BTBD16: variants seen among roughly 807,000 people sequenced by gnomAD.
BTBD16 encodes the protein BTB/POZ domain-containing protein 16.
Under a neutral mutation model 67.4 loss-of-function variants are expected in BTBD16, and 66 were observed. The ratio of observed to expected loss-of-function variants is 0.98; its 90% CI spans 0.80 to 1.20. The LOEUF (loss-of-function observed/expected upper bound fraction) is 1.20, where lower values mean the gene tolerates loss of function less well. BTBD16 is among the 50% of genes most tolerant of loss of function. BTBD16 has a pLI of 0.00. For missense variants in BTBD16, 634 were observed against 616.0 expected, an observed-to-expected ratio of 1.03 and a Z score of -0.31; for synonymous variants, 242 against 236.4, an observed-to-expected ratio of 1.02 and a Z score of -0.22.
At chr10:122,290,756 A>G (rs1376040587) in intron 6 of BTBD16, among the ~76,000 whole-genome samples, 1 of 151,902 alleles carries the variant, frequency 6.6e-6, no homozygotes, top group Non-Finnish European at 1.5e-5. Flanking sequence ...AAAATTCTAC[A>G]CCTATATGGG....
chr10:122,299,706 A>C (rs1008563952), intron 9 of BTBD16, among the ~76,000 whole-genome samples: 8 of 150,818 alleles, frequency 5.3e-5, no homozygotes, highest in Admixed American at 3.3e-4. Context: ...CCATACCCCA[A>C]CCCTGAGGTC....
chr10:122,307,211 C>A lies in BTBD16; in HGVS notation c.814C>A (p.His272Asn). 6.2e-7 allele frequency: 1 copy of A among 1,603,170 alleles called. No individual in the cohort carries two copies. Among genetic ancestry groups the A allele is most frequent in the Non-Finnish European group, 8.5e-7 (1 of 1,176,418 alleles). ...CAGGTTATTTACCTTTAGTGAATTC[C>A]ATCTTCTGAAAACAATGCTTTTGTG... ...SPRLFTFSEF[H>N]LLKTMLLWVF... Residue 272 changes from histidine to asparagine, a missense_variant, in exon 10 of 16, where the codon CAT (histidine) becomes AAT (asparagine). By Grantham distance (68) the His-to-Asn change is moderately conservative (BLOSUM62 1). Coordinates refer to ENST00000260723, the MANE Select transcript of BTBD16 (RefSeq NM_144587.5).
chr10:122,274,371 C>A (rs1354385090), intron 1 of BTBD16, among the ~76,000 whole-genome samples: 1 of 152,198 alleles, frequency 6.6e-6, no homozygotes, highest in Non-Finnish European at 1.5e-5. Context: ...CAACAGCCAC[C>A]AACTCCTGGT....
intron 7 of BTBD16, among the ~76,000 whole-genome samples, chr10:122,293,629 G>A (rs968833351): frequency 6.6e-6 from 1 of 152,200 alleles, no homozygotes; most frequent in Admixed American, 6.5e-5. Context: ...AAGGTCGTGG[G>A]GTGAAAAGTC....
At chr10:122,313,794 C>T (rs562349813) in intron 10 of BTBD16, among the ~76,000 whole-genome samples, 127 of 152,330 alleles carry the variant, frequency 8.3e-4, no homozygotes, top group Admixed American at 1.8e-3. Context: ...GCTCACTGCT[C>T]TGCAGTGTCT....
intron 10 of BTBD16, among the ~76,000 whole-genome samples, chr10:122,318,973 A>G (rs1186380667): frequency 6.6e-6 from 1 of 152,160 alleles, no homozygotes; most frequent in African/African-American, 2.4e-5. Flanking sequence ...TCATTTCCCC[A>G]GTGACTAAGG....
At chr10:122,286,296 T>C in intron 5 of BTBD16, 48 bp downstream of exon 5, 1 of 1,555,584 alleles carries the variant, frequency 6.4e-7, no homozygotes, top group Non-Finnish European at 8.7e-7. Context: ...GCCCTCTAGC[T>C]TGACGGTCCC....
intron 13 of BTBD16, 90 bp downstream of exon 13, chr10:122,332,603 C>A: frequency 2.2e-6 from 3 of 1,363,098 alleles, no homozygotes; most frequent in Non-Finnish European, 3.1e-6. Flanking sequence ...TCACTTCTGG[C>A]TCCTGGTAGG....
intron 5 of BTBD16, among the ~76,000 whole-genome samples, chr10:122,288,754 A>G (rs770536913): frequency 5.3e-5 from 8 of 152,056 alleles, no homozygotes; most frequent in Non-Finnish European, 1.2e-4. Flanking sequence ...ATTTGGGGTC[A>G]GGAAAGCCCT....
At chr10:122,327,935 C>T (rs1004931433) in intron 10 of BTBD16, among the ~76,000 whole-genome samples, 9 of 152,204 alleles carry the variant, frequency 5.9e-5, no homozygotes, top group Admixed American at 5.2e-4. Context: ...TGTATTTCAG[C>T]CACAGCTCCA....
intron 10 of BTBD16, among the ~76,000 whole-genome samples, chr10:122,321,126 T>C (rs2096434697): frequency 6.6e-6 from 1 of 152,212 alleles, no homozygotes; most frequent in African/African-American, 2.4e-5. Context: ...GTTTCTGCAT[T>C]AATTCACTTA....
chr10:122,335,002 T>TC, intron 14 of BTBD16, 23 bp downstream of exon 14: 1 of 1,164,030 alleles, frequency 8.6e-7, no homozygotes, highest in Non-Finnish European at 1.3e-6. Context: ...TGCATGAAAG[T>TC]TATGTCTCTG....
intron 7 of BTBD16, among the ~76,000 whole-genome samples, chr10:122,296,518 G>A (rs187006425): frequency 5.3e-5 from 8 of 152,242 alleles, no homozygotes; most frequent in Non-Finnish European, 2.9e-5. Flanking sequence ...TTGTGCTTCC[G>A]TATGAGATCC....
chr10:122,279,511 A>AACACACAC (rs143637448), intron 3 of BTBD16, among the ~76,000 whole-genome samples: 23,350 of 143,784 alleles, frequency 0.16, 2,057 homozygotes, highest in Non-Finnish European at 0.2. Flanking sequence ...GAGAAAGAGA[A>AACACACAC]ACACACACAC....
At chr10:122,281,000 T>A (rs1409852130) in intron 3 of BTBD16, among the ~76,000 whole-genome samples, 1 of 151,942 alleles carries the variant, frequency 6.6e-6, no homozygotes, top group Non-Finnish European at 1.5e-5. Context: ...AGAGATGGGG[T>A]CTCTCTATGT....
intron 10 of BTBD16, among the ~76,000 whole-genome samples, chr10:122,316,182 G>A (rs1024079941): frequency 2.2e-4 from 33 of 152,096 alleles, no homozygotes; most frequent in Non-Finnish European, 4.0e-4. Context: ...CAAGAGAATC[G>A]CTTGAACCTG....
At chr10:122,314,337 CA>C (rs1272847682) in intron 10 of BTBD16, among the ~76,000 whole-genome samples, 3 of 151,636 alleles carry the variant, frequency 2.0e-5, no homozygotes, top group Middle Eastern at 3.4e-3. Context: ...GACCTGTTCA[CA>C]AAAAAAATGT....
chr10:122,284,673 ATTTTTTT>A (rs60823097), intron 4 of BTBD16, among the ~76,000 whole-genome samples: 17,491 of 124,752 alleles, frequency 0.14, 1,966 homozygotes, highest in African/African-American at 0.33. Context: ...CTTAAAGTGG[ATTTTTTT>A]TTTTTTTTTT....
At chr10:122,302,897 G>A (rs2096396782) in intron 9 of BTBD16, among the ~76,000 whole-genome samples, 1 of 152,202 alleles carries the variant, frequency 6.6e-6, no homozygotes, top group African/African-American at 2.4e-5. Context: ...CAACATGAGA[G>A]TTGGGATTTG....
Sources: gnomAD v4.1 joint callset for allele counts (sites outside exome capture counted in the v4.1 genomes callset) on GRCh38, gnomAD v4.1.1 for gene constraint, MANE v1.5 for transcripts, NCBI Gene and HGNC (gene_info 2026-07-23, HGNC 2026-07-21) for gene names.